PRKCH: variants seen among roughly 807,000 people sequenced by gnomAD.
The protein encoded by PRKCH is protein kinase C eta.
PRKCH carries 28 observed loss-of-function variants against 82.5 expected under a neutral mutation model. The ratio of observed to expected loss-of-function variants is 0.34; its 90% CI spans 0.25 to 0.47. The LOEUF (loss-of-function observed/expected upper bound fraction) is 0.47. Ranked by LOEUF, PRKCH falls within the 20% of genes least tolerant of loss-of-function variation. PRKCH has a pLI of 1.00. For missense variants in PRKCH, 705 were observed against 881.8 expected (o/e 0.80, Z 2.54); for synonymous variants, 322 against 327.4 (o/e 0.98, Z 0.18).
chr14:61,397,392 TCCGGAGTTTGGCAAGATGCCTGGG>T (rs1434596373), intron 2 of PRKCH, among the ~76,000 whole-genome samples: 2 of 152,070 alleles, frequency 1.3e-5, no homozygotes, highest in Admixed American at 1.3e-4. Flanking sequence ...GAAATAAGAT[TCCGGAGTTTGGCAAGATGCCTGGG>T]CCTGAGATGT....
At chr14:61,511,463 C>T (rs1887371114) in intron 10 of PRKCH, among the ~76,000 whole-genome samples, 1 of 152,188 alleles carries the variant, frequency 6.6e-6, no homozygotes, top group African/African-American at 2.4e-5. Flanking sequence ...CCAGAACTGC[C>T]AGAGCCTCTC....
intron 10 of PRKCH, among the ~76,000 whole-genome samples, chr14:61,521,928 C>T (rs2042912563): frequency 6.6e-6 from 1 of 152,156 alleles, no homozygotes; most frequent in Admixed American, 6.5e-5. Context: ...CCCAGGCTCT[C>T]TCCTTATTTC....
In PRKCH at chr14:61,233,205, A is replaced by G. The variant is rs370315746; in HGVS notation, c.-19+45537A>G. ...AAAAGCCAGAGTGTCAGCCTGGGCA[A>G]CATAGTGAGACCTTGTCTCTACAAA... On this transcript the variant is annotated intron_variant, in intron 1 of 3. Coordinates refer to the PRKCH transcript ENST00000555185. Among the ~76,000 whole-genome samples, 16 of 152,136 alleles carry G rather than the reference A, an allele frequency of 1.1e-4. No individual in the cohort carries two copies. The East Asian group carries it at 2.9e-3, about 28-fold the overall frequency.
chr14:61,357,508 A>G (rs718028), intron 1 of PRKCH, among the ~76,000 whole-genome samples: 111,726 of 152,012 alleles, frequency 0.73, 42,187 homozygotes, highest in Non-Finnish European at 0.83. Flanking sequence ...TTTCAGCCAC[A>G]TTTATTTACT....
chr14:61,478,931 G>C (rs1885846249), intron 9 of PRKCH, among the ~76,000 whole-genome samples: 1 of 152,154 alleles, frequency 6.6e-6, no homozygotes, highest in Admixed American at 6.6e-5. Context: ...ACTTCAGGTA[G>C]TAAGAAAACT....
chr14:61,266,545 A>G (rs1012544830), intron 1 of PRKCH, among the ~76,000 whole-genome samples: 1 of 152,236 alleles, frequency 6.6e-6, no homozygotes, highest in Non-Finnish European at 1.5e-5. Flanking sequence ...GGAGTGCATA[A>G]AAAGTAAAAT....
At chr14:61,356,512 A>G (rs950423813) in intron 1 of PRKCH, among the ~76,000 whole-genome samples, 1 of 152,148 alleles carries the variant, frequency 6.6e-6, no homozygotes, top group Non-Finnish European at 1.5e-5. Flanking sequence ...GGCTTTGACA[A>G]TGGCATATTT....
chr14:61,342,757 G>T (rs1386647059), intron 1 of PRKCH, among the ~76,000 whole-genome samples: 1 of 152,170 alleles, frequency 6.6e-6, no homozygotes, highest in Non-Finnish European at 1.5e-5. Flanking sequence ...AGTGTGTTCT[G>T]GTCTACCTTG....
chr14:61,346,004 G>A (rs555652246), intron 1 of PRKCH, among the ~76,000 whole-genome samples: 1 of 152,230 alleles, frequency 6.6e-6, no homozygotes, highest in African/African-American at 2.4e-5. Flanking sequence ...CTGGGTATTT[G>A]CCTTTTAAGG....
chr14:61,357,103 C>T (rs902233098), intron 1 of PRKCH, among the ~76,000 whole-genome samples: 1 of 152,208 alleles, frequency 6.6e-6, no homozygotes, highest in Non-Finnish European at 1.5e-5. Context: ...CTGGTCAGTA[C>T]TCCCAATTCT....
intron 1 of PRKCH, among the ~76,000 whole-genome samples, chr14:61,364,161 C>T (rs2046268733): frequency 6.6e-6 from 1 of 151,456 alleles, no homozygotes; most frequent in South Asian, 2.1e-4. Context: ...GTGTGAACTA[C>T]CATGCCTGGC....
chr14:61,320,807 C>G (rs1363147501), upstream of PRKCH, among the ~76,000 whole-genome samples: 1 of 152,178 alleles, frequency 6.6e-6, no homozygotes, highest in Non-Finnish European at 1.5e-5. Flanking sequence ...TGGAGTGTTC[C>G]TAGAAGAGGC....
intron 11 of PRKCH, among the ~76,000 whole-genome samples, chr14:61,529,987 A>G (rs2043024891): frequency 6.6e-6 from 1 of 152,160 alleles, no homozygotes; most frequent in Non-Finnish European, 1.5e-5. Context: ...TACGCCATTC[A>G]TGGCTATTTA....
chr14:61,505,168 T>C (rs542635956), intron 10 of PRKCH, among the ~76,000 whole-genome samples: 9 of 152,212 alleles, frequency 5.9e-5, no homozygotes, highest in African/African-American at 1.7e-4. Context: ...TCTTACTCCA[T>C]TGGACTACTA....
intron 2 of PRKCH, among the ~76,000 whole-genome samples, chr14:61,432,067 C>CTT (rs59238281): frequency 1.4e-5 from 2 of 143,700 alleles, no homozygotes. Context: ...ATCTCTCTCT[C>CTT]TTTTTTTTTT....
chr14:61,427,088 G>T (rs1883144581), intron 2 of PRKCH, among the ~76,000 whole-genome samples: 1 of 152,082 alleles, frequency 6.6e-6, no homozygotes, highest in Middle Eastern at 3.2e-3. Context: ...AGGGACATAA[G>T]ACATCAATCA....
chr14:61,505,395 C>CTTTTTCTTTTTTTT lies in PRKCH; in HGVS notation c.1433+19744_1433+19745insCTTTTTTTTTTTTT, dbSNP rs1887099057. ...TTTGTCTTTTCTTTTCTTTTCTTTT[C>CTTTTTCTTTTTTTT]TTTTTTTTTTTTTTTTTTTTTTTTT... On this transcript the variant is annotated intron_variant, in intron 10 of 13. Transcript: ENST00000332981. Among the ~76,000 whole-genome samples the CTTTTTCTTTTTTTT allele has an allele frequency of 1.0e-3, 58 of 55,770 alleles. 1 individual carries two copies. Among genetic ancestry groups the CTTTTTCTTTTTTTT allele is most frequent in the African/African-American group, 2.1e-3 (32 of 15,398 alleles). The allele number at this position is 55,770 out of a possible 152,430, so 36.6% of individuals were successfully genotyped here.
At chr14:61,465,026 T>G (rs1885194922) in intron 9 of PRKCH, among the ~76,000 whole-genome samples, 1 of 152,250 alleles carries the variant, frequency 6.6e-6, no homozygotes, top group African/African-American at 2.4e-5. Context: ...TTTGTATGTC[T>G]TCTTTTGAGA....
chr14:61,395,227 C>A (rs1463079297), intron 2 of PRKCH, among the ~76,000 whole-genome samples: 1 of 151,672 alleles, frequency 6.6e-6, no homozygotes, highest in East Asian at 1.9e-4. Flanking sequence ...TAAAACACCG[C>A]TCCCTTGTCA....
Sources: allele counts gnomAD v4.1 joint callset (sites outside exome capture counted in the v4.1 genomes callset), GRCh38; gene constraint gnomAD v4.1.1; transcripts MANE v1.5; gene names NCBI Gene and HGNC (gene_info 2026-07-23, HGNC 2026-07-21).